The following SLC6A18 variants were observed in gnomAD, a reference collection of about 807,000 sequenced individuals.
The protein encoded by SLC6A18 is solute carrier family 6 member 18, also known as inactive sodium-dependent neutral amino acid transporter B(0)AT3.
Under a neutral mutation model 62.9 loss-of-function variants are expected in SLC6A18, and 58 were observed. The ratio of observed to expected loss-of-function variants is 0.92; its 90% confidence interval spans 0.75 to 1.15. The LOEUF (loss-of-function observed/expected upper bound fraction) is 1.15. Ranked by LOEUF, SLC6A18 falls within the 50% of genes most tolerant of loss-of-function variation. SLC6A18 has a pLI of 0.00. For synonymous variants in SLC6A18, 382 were observed against 365.8 expected, an observed-to-expected ratio of 1.04 and a Z score of -0.51; for missense variants, 793 against 836.6, an observed-to-expected ratio of 0.95 and a Z score of 0.64.
chr5:1,243,685 C>A lies in SLC6A18; in HGVS notation c.1262C>A (p.Thr421Asn), dbSNP rs1233570713. 1.2e-6 allele frequency: 2 copies of A among 1,614,000 alleles called. No homozygotes were observed. Among genetic ancestry groups the A allele is most frequent in the East Asian group, 2.2e-5 (1 of 44,870 alleles). Residue 421 changes from threonine to asparagine, a missense_variant, in exon 9 of 12, where the codon ACC becomes AAC. Coordinates refer to ENST00000324642, the MANE Select transcript of SLC6A18 (RefSeq NM_182632.3). The surrounding 1 kb of genome is among the most constrained non-coding windows in gnomAD (Gnocchi z 6.5). ...TTGGGGCTATCGACCATGTTCGGGA[C>A]CGTGGAGGCGGTCATCACACCCCTG... Reference protein sequence around the residue: ...FTLGLSTMFGTVEAVITPLLD... With the variant: ...FTLGLSTMFGNVEAVITPLLD...
rs763962676 is a variant in SLC6A18 at position 1,232,322 on chromosome 5, C to T, written c.264C>T (p.Gly88=). 2.2e-5 allele frequency: 35 copies of T among 1,611,852 alleles called. No individual in the cohort carries two copies. The highest frequency in any genetic ancestry group is 1.0e-4 in the Admixed American group (6 of 59,912). ...IGQRLRKGSV[G]VWTAISPYLS... is the part of the protein sequence containing the mutation. ...AGCGGCTGCGGAAGGGCAGCGTCGG[C>T]GTGTGGACGGCCATCTCCCCGTACC... is the stretch of plus-strand genomic sequence containing the variant. The change falls in exon 2 of 12, where the codon GGC becomes GGT. Residue 88 remains glycine (G), a synonymous_variant. Coordinates refer to ENST00000324642, the MANE Select transcript of SLC6A18 (RefSeq NM_182632.3).
Position 1,241,375 on chromosome 5 carries a change from G to C in SLC6A18, c.974+716G>C, listed in dbSNP as rs532108252. ...TCTGGCAGTATATGGAGACATTTTT[G>C]ATTGGCCACACTTGTGTGAGGGGTG... On this transcript the variant is annotated intron_variant, in intron 7 of 11. Transcript: ENST00000324642. This position sits in a 1 kb window ranked among gnomAD's most constrained non-coding sequence, Gnocchi z 7.8. 3.3e-5 allele frequency among the ~76,000 whole-genome samples: 5 copies of C among 152,314 alleles called. No homozygotes were observed. In the East Asian group the frequency reaches 7.7e-4, roughly 24 times the overall value.
chr5:1,227,019 G>A (rs1472684446), intron 1 of SLC6A18, among the ~76,000 whole-genome samples: 5 of 127,400 alleles, frequency 3.9e-5, no homozygotes, highest in South Asian at 5.1e-4. Context: ...GCCCGCCGAC[G>A]CGCCCAACGC....
rs1747106737 is a variant in SLC6A18 at position 1,243,032 on chromosome 5, T to C, written c.1131+169T>C. Among the ~76,000 whole-genome samples the C allele has an allele frequency of 6.6e-6, 1 of 152,190 alleles. No homozygotes were observed. The highest frequency in any genetic ancestry group is 1.9e-4 in the East Asian group (1 of 5,188). On this transcript the variant is annotated intron_variant, in intron 8 of 11. Transcript: ENST00000324642. The surrounding 1 kb of genome is among the most constrained non-coding windows in gnomAD (Gnocchi z 6.5). ...CTTTGTCTCAGGTTGCCAGGCCTCC[T>C]GGAAAGCCCGAAGTCCTGGGGGCAG...
chr5:1,235,809 C>A (rs1006527974), intron 4 of SLC6A18, 147 bp downstream of exon 4: 11 of 775,610 alleles, frequency 1.4e-5, no homozygotes, highest in Non-Finnish European at 2.1e-5. Context: ...GGAATTGATC[C>A]CATTATCACT....
At chr5:1,230,738 C>T (rs11738600) in intron 1 of SLC6A18, among the ~76,000 whole-genome samples, 14,293 of 152,180 alleles carry the variant, frequency 0.094, 849 homozygotes, top group Admixed American at 0.19. Context: ...AGACGCACGG[C>T]GGGGAAGAGT....
chr5:1,226,706 C>A (rs185767402), intron 1 of SLC6A18, among the ~76,000 whole-genome samples: 1 of 152,280 alleles, frequency 6.6e-6, no homozygotes, highest in African/African-American at 2.4e-5. Context: ...GGCCTTGGAT[C>A]TTCTCATCAT....
In SLC6A18 at chr5:1,241,830, C is replaced by T. The variant is rs1747068442; in HGVS notation, c.975-877C>T. Among the ~76,000 whole-genome samples, 1 of 152,364 alleles carries T rather than the reference C, an allele frequency of 6.6e-6. No individual in the cohort carries two copies. Among genetic ancestry groups the T allele is most frequent in the African/African-American group, 2.4e-5 (1 of 41,578 alleles). ...AATATTGACGGGGTTACAAGCACATCTCAATGAGCAGGCGGATAAGGACCA... is the reference window on the plus strand; with the variant it reads ...AATATTGACGGGGTTACAAGCACATTTCAATGAGCAGGCGGATAAGGACCA... On this transcript the variant is annotated intron_variant, in intron 7 of 11. Transcript: ENST00000324642. The surrounding 1 kb of genome is among the most constrained non-coding windows in gnomAD (Gnocchi z 7.8).
intron 1 of SLC6A18, among the ~76,000 whole-genome samples, chr5:1,231,509 G>A (rs894451626): frequency 2.0e-5 from 3 of 152,082 alleles, no homozygotes; most frequent in South Asian, 4.1e-4. Flanking sequence ...ACCGCCAGCC[G>A]CCCCGGGTTC....
rs372103685 is a variant in SLC6A18 at position 1,237,970 on chromosome 5, G to C, written c.642G>C (p.Leu214Phe). The C allele has an allele frequency of 2.5e-6, 4 of 1,614,064 alleles. No individual in the cohort carries two copies. In the African/African-American group the frequency reaches 4.0e-5, roughly 16 times the overall value. ...TTGKVIYFTA[L>F]FPYLVLTIFL... ...TCAAGGTGATTTACTTCACAGCTTT[G>C]TTCCCTTACCTGGTCCTGACCATCT... The change falls in exon 5 of 12, where the codon TTG becomes TTC. Residue 214 changes from leucine (L) to phenylalanine (F), a missense_variant. Physicochemically the swap from Leu to Phe is conservative, Grantham distance 22. Transcript: ENST00000324642.
intron 3 of SLC6A18, among the ~76,000 whole-genome samples, chr5:1,233,607 A>T (rs1746795703): frequency 6.8e-6 from 1 of 147,216 alleles, no homozygotes; most frequent in Non-Finnish European, 1.5e-5. Flanking sequence ...TTTTTGGGAC[A>T]AGGTCTCCCT....
In SLC6A18 at chr5:1,240,630, A is replaced by T. The variant is rs188949258; in HGVS notation, c.945A>T (p.Ala315=). The change falls in exon 7 of 12, where the codon GCA becomes GCT. Residue 315 remains alanine, a synonymous_variant. Coordinates refer to ENST00000324642, the MANE Select transcript of SLC6A18 (RefSeq NM_182632.3). ...TCTTCTCTGTCCTGGGGTTCAAAGC[A>T]ACTAATGACTACGAGCACTGCCTGG... ...IAVFSVLGFK[A]TNDYEHCLDR... 1 of 1,614,146 alleles carries T rather than the reference A, an allele frequency of 6.2e-7. No homozygotes were observed. Among genetic ancestry groups the T allele is most frequent in the African/African-American group, 1.3e-5 (1 of 75,048 alleles).
chr5:1,235,814 A>G (rs977791321), intron 4 of SLC6A18, 152 bp downstream of exon 4: 1 of 745,860 alleles, frequency 1.3e-6, no homozygotes, highest in South Asian at 1.9e-5. Context: ...TGATCCCATT[A>G]TCACTGTGAA....
intron 3 of SLC6A18, among the ~76,000 whole-genome samples, chr5:1,233,748 A>AGTTTTTTTT (rs1303378332): frequency 3.0e-5 from 3 of 100,670 alleles, no homozygotes; most frequent in African/African-American, 1.1e-4. Context: ...ACACTCAGCT[A>AGTTTTTTTT]ATTTTTTTTT....
chr5:1,228,340 C>T (rs1270978500), intron 1 of SLC6A18, among the ~76,000 whole-genome samples: 4 of 152,184 alleles, frequency 2.6e-5, no homozygotes, highest in South Asian at 2.1e-4. Flanking sequence ...TCTGCACCCT[C>T]GCGGCTCCCG....
chr5:1,229,376 A>G (rs953740032), intron 1 of SLC6A18, among the ~76,000 whole-genome samples: 2 of 151,900 alleles, frequency 1.3e-5, no homozygotes, highest in Non-Finnish European at 2.9e-5. Context: ...AGCTTCCCCA[A>G]ATCAGTCACA....
intron 1 of SLC6A18, among the ~76,000 whole-genome samples, chr5:1,227,967 G>C (rs754454996): frequency 1.3e-5 from 2 of 152,160 alleles, no homozygotes; most frequent in African/African-American, 2.4e-5. Context: ...CATCAAGCGC[G>C]CCCCCTCCCC....
intron 11 of SLC6A18, 125 bp downstream of exon 11, chr5:1,244,892 G>A (rs554177250): frequency 6.5e-5 from 77 of 1,193,554 alleles, no homozygotes; most frequent in East Asian, 2.5e-4. Context: ...ACAAGGTGGC[G>A]TGGTCACTTC....
chr5:1,228,141 CT>C (rs1327470659), intron 1 of SLC6A18, among the ~76,000 whole-genome samples: 1 of 151,918 alleles, frequency 6.6e-6, no homozygotes, highest in East Asian at 1.9e-4. Flanking sequence ...ATTCTTTGAA[CT>C]TTTGCCAGCT....
Sources: gnomAD v4.1 joint callset for allele counts (sites outside exome capture counted in the v4.1 genomes callset) on GRCh38, gnomAD v4.1.1 for gene constraint, Gnocchi (gnomAD v3.1) non-coding constraint, MANE v1.5 for transcripts, NCBI Gene and HGNC (gene_info 2026-07-23, HGNC 2026-07-21) for gene names.